The following ANKS1B variants were observed in gnomAD, a reference collection of about 807,000 sequenced individuals.
ANKS1B encodes the protein ankyrin repeat and sterile alpha motif domain-containing protein 1B.
In ANKS1B, 36 loss-of-function variants were observed where a neutral mutation model predicts 148.3. The observed-to-expected ratio is 0.24, with a 90% CI of 0.19 to 0.32. The LOEUF (loss-of-function observed/expected upper bound fraction) is 0.32. ANKS1B is among the 10% of genes least tolerant of loss of function. ANKS1B has a pLI of 1.00. For synonymous variants in ANKS1B, 542 were observed against 560.8 expected (o/e 0.97, Z 0.47); for missense variants, 1,157 against 1,542.6 (o/e 0.75, Z 4.19).
At chr12:99,123,109 T>A (rs1026180107) in intron 15 of ANKS1B, among the ~76,000 whole-genome samples, 1 of 151,686 alleles carries the variant, frequency 6.6e-6, no homozygotes, top group South Asian at 2.1e-4. Flanking sequence ...TTTAGTGATG[T>A]CTATAGTCTG....
At chr12:99,588,285 T>C (rs751777967) in intron 9 of ANKS1B, among the ~76,000 whole-genome samples, 4 of 152,196 alleles carry the variant, frequency 2.6e-5, no homozygotes, top group Non-Finnish European at 5.9e-5. Flanking sequence ...CAAAGATTCA[T>C]CTGCATTCTA....
At chr12:98,874,473 T>C (rs1005723269) in intron 17 of ANKS1B, among the ~76,000 whole-genome samples, 4 of 152,146 alleles carry the variant, frequency 2.6e-5, no homozygotes, top group African/African-American at 9.7e-5. Context: ...GAACATGAAC[T>C]GAGGAGATAA....
chr12:99,251,566 A>G (rs2074601344), intron 12 of ANKS1B, among the ~76,000 whole-genome samples: 1 of 152,196 alleles, frequency 6.6e-6, no homozygotes, highest in South Asian at 2.1e-4. Flanking sequence ...GTGAATTCCA[A>G]TCTGATAGTT....
At chr12:99,073,740 T>C (rs899255195) in intron 16 of ANKS1B, among the ~76,000 whole-genome samples, 37 of 152,180 alleles carry the variant, frequency 2.4e-4, no homozygotes, top group African/African-American at 8.2e-4. Flanking sequence ...ATTTTATAAA[T>C]GATTCCTGTT....
chr12:99,272,291 A>C (rs1399166117), intron 12 of ANKS1B, among the ~76,000 whole-genome samples: 1 of 152,162 alleles, frequency 6.6e-6, no homozygotes, highest in Admixed American at 6.5e-5. Flanking sequence ...TAATAGATTA[A>C]GGCCATGTGA....
chr12:98,816,810 A>C (rs2099145194), intron 19 of ANKS1B, among the ~76,000 whole-genome samples: 1 of 152,124 alleles, frequency 6.6e-6, no homozygotes, highest in African/African-American at 2.4e-5. Context: ...TGACAGGCTG[A>C]TGGTGGGTCT....
At chr12:99,610,417 G>A (rs1341489071) in intron 9 of ANKS1B, among the ~76,000 whole-genome samples, 1 of 152,080 alleles carries the variant, frequency 6.6e-6, no homozygotes, top group East Asian at 1.9e-4. Context: ...ATTAGACAAA[G>A]TAGGTCACAG....
At chr12:98,972,872 A>G (rs1221547067) in intron 17 of ANKS1B, among the ~76,000 whole-genome samples, 1 of 152,230 alleles carries the variant, frequency 6.6e-6, no homozygotes, top group Non-Finnish European at 1.5e-5. Flanking sequence ...GGTCATTTTT[A>G]GCATCTACAG....
At chr12:99,931,354 T>TA (rs540098411) in intron 1 of ANKS1B, among the ~76,000 whole-genome samples, 2,248 of 150,604 alleles carry the variant, frequency 0.015, 19 homozygotes, top group Middle Eastern at 0.034. Context: ...TAATAAAATT[T>TA]AAAAAAAAAG....
At chr12:99,155,137 T>C in intron 14 of ANKS1B, 1 of 1,484,552 alleles carries the variant, frequency 6.7e-7, no homozygotes. Flanking sequence ...CACCAGGAAA[T>C]GCGAAGCTTG....
intron 15 of ANKS1B, among the ~76,000 whole-genome samples, chr12:99,150,881 G>C (rs1395174842): frequency 2.6e-5 from 4 of 151,802 alleles, no homozygotes; most frequent in African/African-American, 9.7e-5. Context: ...ACTTCTGAGG[G>C]GATAAACAGG....
chr12:99,027,264 A>G (rs1353117395), intron 17 of ANKS1B, among the ~76,000 whole-genome samples: 1 of 152,254 alleles, frequency 6.6e-6, no homozygotes, highest in African/African-American at 2.4e-5. Context: ...AAATATGTTG[A>G]AGACAAATGT....
chr12:98,982,522 A>T (rs186088423), intron 17 of ANKS1B, among the ~76,000 whole-genome samples: 2 of 151,726 alleles, frequency 1.3e-5, no homozygotes, highest in East Asian at 3.9e-4. Context: ...AGAAATGACT[A>T]CTCTCTTGAA....
intron 10 of ANKS1B, among the ~76,000 whole-genome samples, chr12:99,466,617 A>G (rs1316663880): frequency 6.6e-6 from 1 of 150,426 alleles, no homozygotes; most frequent in Non-Finnish European, 1.5e-5. Context: ...ATCACCACCG[A>G]TCCCACAGAA....
chr12:99,669,756 T>G (rs1442753052), intron 8 of ANKS1B, among the ~76,000 whole-genome samples: 1 of 152,210 alleles, frequency 6.6e-6, no homozygotes, highest in Non-Finnish European at 1.5e-5. Flanking sequence ...TCTTTTTTGG[T>G]ATAGTACCCT....
In ANKS1B at chr12:99,518,861, T is replaced by C. The variant is rs116099356; in HGVS notation, c.1273-14220A>G. Among the ~76,000 whole-genome samples, 319 of 152,252 alleles carry C rather than the reference T, an allele frequency of 2.1e-3. 1 individual carries two copies. Among genetic ancestry groups the C allele is most frequent in the African/African-American group, 6.9e-3 (286 of 41,594 alleles). On this transcript the variant is annotated intron_variant, in intron 9 of 26. Transcript: ENST00000683438. The stretch of plus-strand genomic sequence containing the variant: ...TTCTTCCTTTTGATGTAGACACTTA[T>C]AGGATAAACTTTCCTCTTAGTACTG...
At chr12:99,903,322 C>T (rs1376560616) in intron 1 of ANKS1B, among the ~76,000 whole-genome samples, 1 of 152,148 alleles carries the variant, frequency 6.6e-6, no homozygotes, top group Admixed American at 6.5e-5. Flanking sequence ...TCACTCAAGC[C>T]ACACCAACTT....
intron 15 of ANKS1B, among the ~76,000 whole-genome samples, chr12:99,090,468 T>A (rs1277946161): frequency 6.6e-6 from 1 of 152,136 alleles, no homozygotes; most frequent in East Asian, 1.9e-4. Flanking sequence ...TACTGTTGAT[T>A]GGGGAAACTT....
downstream of ANKS1B, among the ~76,000 whole-genome samples, chr12:98,739,562 A>ACTC (rs951409057): frequency 8.9e-5 from 13 of 146,064 alleles, no homozygotes; most frequent in African/African-American, 3.3e-4. Flanking sequence ...CTACTTTGAA[A>ACTC]CTCTTAAGGG....
Sources: allele counts gnomAD v4.1 joint callset (sites outside exome capture counted in the v4.1 genomes callset), GRCh38; gene constraint gnomAD v4.1.1; transcripts MANE v1.5; gene names NCBI Gene and HGNC (gene_info 2026-07-23, HGNC 2026-07-21).